Variants in ABCA4 observed in about 807,000 individuals in gnomAD.
ABCA4 encodes the protein retinal-specific phospholipid-transporting ATPase ABCA4.
ABCA4 carries 196 observed loss-of-function variants against 263.7 expected under a neutral mutation model. That is an observed-to-expected ratio of 0.74 (90% CI 0.66 to 0.84). ABCA4 has a LOEUF of 0.84. Among genes scored for constraint, ABCA4 ranks in the 40% least tolerant of loss-of-function variants. The pLI is 0.00. For synonymous variants in ABCA4, 1,133 were observed against 1,094.2 expected, an observed-to-expected ratio of 1.04 and a Z score of -0.70; for missense variants, 2,792 against 2,855.1, an observed-to-expected ratio of 0.98 and a Z score of 0.50.
At chr1:94,113,627 C>T (rs1354107358) in intron 1 of ABCA4, among the ~76,000 whole-genome samples, 1 of 152,236 alleles carries the variant, frequency 6.6e-6, no homozygotes. Context: ...CATTACCTTG[C>T]CCTTGCAAAT....
chr1:94,108,786 ATTT>A, intron 3 of ABCA4, 70 bp from the exon 4 acceptor site: 6 of 1,301,486 alleles, frequency 4.6e-6, no homozygotes, highest in South Asian at 2.6e-5. Flanking sequence ...ATCTCATGCT[ATTT>A]TTTTTTTTTA....
At chr1:94,099,890 C>T (rs868375179) in intron 5 of ABCA4, among the ~76,000 whole-genome samples, 2 of 152,154 alleles carry the variant, frequency 1.3e-5, no homozygotes, top group African/African-American at 4.8e-5. Context: ...GTACAACCCT[C>T]GTGATGGCCT....
chr1:94,016,684 A>G (rs1473711551), intron 36 of ABCA4, among the ~76,000 whole-genome samples: 3 of 152,206 alleles, frequency 2.0e-5, no homozygotes, highest in African/African-American at 4.8e-5. Context: ...GAGAGCTCAT[A>G]GTGTTCACTG....
Position 94,037,256 on chromosome 1 carries a change from T to G in ABCA4, c.3702A>C (p.Pro1234=). The G allele has an allele frequency of 6.2e-7, 1 of 1,614,230 alleles. No homozygotes were observed. Reference sequence around the variant, plus strand: ...ATGCTCTGTGCTTGAAGTTCTTATTTGGAAGAAGGAAGATAAGTTCTTGAC... The same window carrying G: ...ATGCTCTGTGCTTGAAGTTCTTATTGGGAAGAAGGAAGATAAGTTCTTGAC... ...CIGQELIFLL[P]NKNFKHRAYA... is the part of the protein sequence containing the mutation. The change falls in exon 25 of 50, where the codon CCA becomes CCC. Residue 1234 remains proline, a synonymous_variant. Coordinates refer to ENST00000370225, the MANE Select transcript of ABCA4 (RefSeq NM_000350.3).
At chr1:94,084,220 C>T (rs181647981) in intron 6 of ABCA4, among the ~76,000 whole-genome samples, 1 of 152,334 alleles carries the variant, frequency 6.6e-6, no homozygotes, top group Non-Finnish European at 1.5e-5. Flanking sequence ...ATCACTGATC[C>T]TAGAGGAGTC....
Position 94,083,370 on chromosome 1 carries a change from CAT to C in ABCA4, c.838_839del (p.Met280ValfsTer41), listed in dbSNP as rs757774731. ...TACTCACCTCTTGAATTCTTGGTGA[CAT>C]ATCAGATAATATTCCTCCCCAAGAT... ...LRSWGGILSD[M>X]SPRIQEFIHR... On this transcript the variant is annotated frameshift_variant, in exon 7 of 50. Transcript: ENST00000370225. LOFTEE classifies it high-confidence loss of function. 1 of 1,612,160 alleles carries C rather than the reference CAT, an allele frequency of 6.2e-7. No individual in the cohort carries two copies. The highest frequency in any genetic ancestry group is 1.1e-5 in the South Asian group (1 of 91,050).
chr1:94,029,658 TAATCA>T, intron 29 of ABCA4, 27 bp from the exon 30 acceptor site: 1 of 1,603,314 alleles, frequency 6.2e-7, no homozygotes, highest in East Asian at 2.2e-5. Flanking sequence ...AAATATTCCA[TAATCA>T]GCCTCAAAGT....
At chr1:94,084,414 A>G (rs1272226698) in intron 6 of ABCA4, among the ~76,000 whole-genome samples, 1 of 152,316 alleles carries the variant, frequency 6.6e-6, no homozygotes, top group African/African-American at 2.4e-5. Context: ...CTAAATGATC[A>G]TTGGGCTGAC....
intron 14 of ABCA4, 47 bp downstream of exon 14, chr1:94,060,490 G>A (rs1159106425): frequency 4.5e-6 from 7 of 1,567,572 alleles, no homozygotes; most frequent in Non-Finnish European, 6.1e-6. Context: ...AAAGGGGAAA[G>A]GAACCAAAGT....
At chr1:94,094,406 T>C (rs1662066442) in intron 6 of ABCA4, among the ~76,000 whole-genome samples, 1 of 152,080 alleles carries the variant, frequency 6.6e-6, no homozygotes. Flanking sequence ...AGCCACCCCG[T>C]AGTCAAAGAG....
chr1:94,077,660 G>A (rs1001730084), intron 11 of ABCA4, 30 bp downstream of exon 11: 14 of 1,583,910 alleles, frequency 8.8e-6, no homozygotes, highest in Non-Finnish European at 1.2e-5. Context: ...TATCTTCAAG[G>A]GGCCCACTGT....
chr1:94,047,133 C>G (rs761198403), intron 18 of ABCA4, 40 bp from the exon 19 acceptor site: 1 of 1,607,800 alleles, frequency 6.2e-7, no homozygotes, highest in East Asian at 2.2e-5. Flanking sequence ...AACATAATGC[C>G]TAATTACATG....
intron 30 of ABCA4, among the ~76,000 whole-genome samples, chr1:94,027,851 C>T (rs944099479): frequency 6.6e-5 from 10 of 152,250 alleles, no homozygotes; most frequent in Admixed American, 4.6e-4. Flanking sequence ...TCTTCCATTC[C>T]GCTGCCTGGA....
Position 94,029,638 on chromosome 1 carries a change from G to A in ABCA4, c.4353-7C>T. 1 of 1,611,558 alleles carries A rather than the reference G, an allele frequency of 6.2e-7. No individual in the cohort carries two copies. The highest frequency in any genetic ancestry group is 8.5e-7 in the Non-Finnish European group (1 of 1,178,728). ...GTTGCCACAGGGGTACTCCCTCATG[G>A]AAGACAAGAAAATATTCCATAATCA... On this transcript the variant is annotated splice_region_variant and splice_polypyrimidine_tract_variant and intron_variant, in intron 29 of 49. Transcript: ENST00000370225.
At chr1:94,118,893 G>A (rs1662873381) in intron 1 of ABCA4, among the ~76,000 whole-genome samples, 1 of 152,228 alleles carries the variant, frequency 6.6e-6, no homozygotes, top group Non-Finnish European at 1.5e-5. Context: ...CACAGGAATG[G>A]GCTCATTTTA....
intron 36 of ABCA4, 32 bp downstream of exon 36, chr1:94,019,550 A>G (rs1468517108): frequency 6.4e-7 from 1 of 1,572,098 alleles, no homozygotes; most frequent in East Asian, 2.3e-5. Context: ...GGGCCCACGG[A>G]GGGGAGGGAG....
In ABCA4 at chr1:94,120,961, C is replaced by T. The variant is rs777949965; in HGVS notation, c.66+19G>A. 8.0e-6 allele frequency: 11 copies of T among 1,368,480 alleles called. No individual in the cohort carries two copies. The East Asian group carries it at 1.8e-4, about 22-fold the overall frequency. 84.8% of individuals were successfully genotyped at this position (1,368,480 alleles called of 1,614,324 possible). ...TTTGCTCCACACCTCATTTTTAAAC[C>T]ACAGACAGTAACTGTTACCTTTTGC... On this transcript the variant is annotated intron_variant, in intron 1 of 49. Coordinates refer to ENST00000370225, the MANE Select transcript of ABCA4 (RefSeq NM_000350.3).
intron 4 of ABCA4, 37 bp downstream of exon 4, chr1:94,108,540 G>C (rs764102936): frequency 1.9e-6 from 3 of 1,612,362 alleles, no homozygotes; most frequent in Non-Finnish European, 8.5e-7. Context: ...CCATAGGTGA[G>C]GGAAATGATG....
chr1:94,073,358 G>A (rs535695973), intron 11 of ABCA4, among the ~76,000 whole-genome samples: 15 of 152,250 alleles, frequency 9.9e-5, no homozygotes, highest in Middle Eastern at 3.4e-3. Context: ...AGAGGCCCTC[G>A]TGAAGTCCTG....
Sources: gnomAD v4.1 joint callset for allele counts (sites outside exome capture counted in the v4.1 genomes callset) on GRCh38, gnomAD v4.1.1 for gene constraint, MANE v1.5 for transcripts, NCBI Gene and HGNC (gene_info 2026-07-23, HGNC 2026-07-21) for gene names.